HORMAD2: variants seen among roughly 807,000 people sequenced by gnomAD.
The protein encoded by HORMAD2 is HORMA domain containing 2.
HORMAD2 carries 45 observed loss-of-function variants against 38.8 expected under a neutral mutation model. The observed-to-expected ratio is 1.16, with a 90% CI of 0.91 to 1.49. HORMAD2 has a LOEUF of 1.49. HORMAD2 is among the 40% of genes most tolerant of loss of function. The pLI is 0.00. For missense variants in HORMAD2, 338 were observed against 367.0 expected (o/e 0.92, Z 0.65); for synonymous variants, 126 against 122.8 (o/e 1.03, Z -0.17).
intron 8 of HORMAD2, 111 bp downstream of exon 8, chr22:30,119,158 C>A: frequency 2.9e-6 from 2 of 694,588 alleles, no homozygotes; most frequent in Non-Finnish European, 2.4e-6. Flanking sequence ...CCCCACAAAC[C>A]CTACAGAAAA....
At chr22:30,128,827 A>G (rs1601550385) in intron 10 of HORMAD2, among the ~76,000 whole-genome samples, 1 of 152,154 alleles carries the variant, frequency 6.6e-6, no homozygotes, top group Admixed American at 6.5e-5. Context: ...GCAAAAGTAA[A>G]ATCATGATTT....
At chr22:30,137,052 A>C in intron 10 of HORMAD2, 1 of 378,334 alleles carries the variant, frequency 2.6e-6, no homozygotes, top group South Asian at 3.2e-5. Flanking sequence ...ATCAACACAA[A>C]ACAGACAAAG....
At chr22:30,186,048 C>A in the HORMAD2 span, among the ~76,000 whole-genome samples, 2 of 151,880 alleles carry the variant, frequency 1.3e-5, no homozygotes, top group Non-Finnish European at 2.9e-5. Flanking sequence ...AAATCTTTTT[C>A]TTTCTTGATT....
chr22:30,185,653 A>G, the HORMAD2 span, among the ~76,000 whole-genome samples: 2 of 152,218 alleles, frequency 1.3e-5, no homozygotes, highest in South Asian at 4.1e-4. Context: ...GAAACTGTTA[A>G]ACCAATTCTG....
intron 1 of HORMAD2, among the ~76,000 whole-genome samples, chr22:30,083,370 T>C (rs2068517940): frequency 6.6e-6 from 1 of 152,238 alleles, no homozygotes; most frequent in Admixed American, 6.5e-5. Context: ...CAAAGTTAGC[T>C]TTCAGTTCTT....
At chr22:30,133,657 A>AG (rs1242862644) in intron 10 of HORMAD2, among the ~76,000 whole-genome samples, 8 of 151,662 alleles carry the variant, frequency 5.3e-5, no homozygotes, top group Non-Finnish European at 1.0e-4. Flanking sequence ...AACAAAAAAA[A>AG]GGATGATTGG....
At chr22:30,113,155 C>A (rs956175261) in intron 7 of HORMAD2, among the ~76,000 whole-genome samples, 2 of 152,046 alleles carry the variant, frequency 1.3e-5, no homozygotes, top group Non-Finnish European at 2.9e-5. Flanking sequence ...TCTTTAAATT[C>A]TTTTTCCAGC....
intron 7 of HORMAD2, among the ~76,000 whole-genome samples, chr22:30,115,313 T>C (rs926356067): frequency 6.6e-6 from 1 of 152,018 alleles, no homozygotes; most frequent in Non-Finnish European, 1.5e-5. Context: ...TTTTTGCAAA[T>C]GTGGGGTTAT....
intron 10 of HORMAD2, among the ~76,000 whole-genome samples, chr22:30,149,068 C>T (rs185097320): frequency 1.7e-4 from 26 of 152,272 alleles, no homozygotes; most frequent in Non-Finnish European, 8.8e-5. Flanking sequence ...AGACACCTAA[C>T]AACTTTTCCG....
the HORMAD2 span, among the ~76,000 whole-genome samples, chr22:30,194,860 T>C: frequency 0.012 from 1,813 of 152,202 alleles, 174 homozygotes; most frequent in East Asian, 0.26. Flanking sequence ...TGTTGGTCAT[T>C]GGGTGCTTAT....
intron 10 of HORMAD2, among the ~76,000 whole-genome samples, chr22:30,124,033 G>A (rs976129221): frequency 3.3e-5 from 5 of 150,530 alleles, no homozygotes; most frequent in Non-Finnish European, 3.0e-5. Flanking sequence ...ACCTAAGAAC[G>A]CATAGTTCAA....
At chr22:30,097,003 GTCTAAT>G (rs1176054197) in intron 2 of HORMAD2, among the ~76,000 whole-genome samples, 1 of 152,086 alleles carries the variant, frequency 6.6e-6, no homozygotes, top group African/African-American at 2.4e-5. Flanking sequence ...GTTTAATATA[GTCTAAT>G]TTGTTAATAT....
intron 10 of HORMAD2, among the ~76,000 whole-genome samples, chr22:30,148,293 C>T (rs1924543069): frequency 2.6e-5 from 4 of 152,094 alleles, no homozygotes; most frequent in Admixed American, 2.0e-4. Context: ...GACTAAATAC[C>T]GTATAATTTC....
chr22:30,110,435 G>C (rs1374982372), intron 5 of HORMAD2, among the ~76,000 whole-genome samples: 1 of 147,174 alleles, frequency 6.8e-6, no homozygotes. Context: ...GCCCAGGCTG[G>C]AGTGCAATGG....
intron 7 of HORMAD2, among the ~76,000 whole-genome samples, chr22:30,112,809 A>AT (rs142001649): frequency 6.6e-6 from 1 of 151,984 alleles, no homozygotes; most frequent in African/African-American, 2.4e-5. Context: ...ATAAAACCAC[A>AT]TTTTTTTCTT....
At chr22:30,115,191 A>G (rs1487834525) in intron 7 of HORMAD2, among the ~76,000 whole-genome samples, 2 of 152,026 alleles carry the variant, frequency 1.3e-5, no homozygotes, top group Non-Finnish European at 2.9e-5. Flanking sequence ...CAGTGGTGTG[A>G]TCTTGGCTCA....
the HORMAD2 span, among the ~76,000 whole-genome samples, chr22:30,204,346 C>T: frequency 6.6e-6 from 1 of 152,138 alleles, no homozygotes; most frequent in Admixed American, 6.5e-5. Context: ...AGTTTCACAG[C>T]CTGAGTCTTA....
chr22:30,085,659 C>T (rs2068557720), intron 1 of HORMAD2, among the ~76,000 whole-genome samples: 1 of 152,188 alleles, frequency 6.6e-6, no homozygotes, highest in African/African-American at 2.4e-5. Context: ...GACGCTGAGG[C>T]AGGAGAATGG....
At chr22:30,087,863 G>C (rs568436354) in intron 1 of HORMAD2, among the ~76,000 whole-genome samples, 6 of 151,998 alleles carry the variant, frequency 3.9e-5, no homozygotes, top group Non-Finnish European at 7.4e-5. Context: ...ATCTCCTACT[G>C]TGCCTGGCCA....
Sources: gnomAD v4.1 joint callset for allele counts (sites outside exome capture counted in the v4.1 genomes callset) on GRCh38, gnomAD v4.1.1 for gene constraint, MANE v1.5 for transcripts, NCBI Gene and HGNC (gene_info 2026-07-23, HGNC 2026-07-21) for gene names.